The following HK1 variants were observed in gnomAD, a reference collection of about 807,000 sequenced individuals.
HK1 encodes the protein hexokinase 1.
Under a neutral mutation model 91.6 loss-of-function variants are expected in HK1, and 28 were observed. That is an observed-to-expected ratio of 0.31 (90% confidence interval 0.23 to 0.42). HK1 has a LOEUF of 0.42. Ranked by LOEUF, HK1 falls within the 10% of genes least tolerant of loss-of-function variation. The probability of loss-of-function intolerance (pLI) is 1.00; values close to 1 mark genes in which losing one functional copy is unlikely to be tolerated. For missense variants in HK1, 770 were observed against 1,219.8 expected (o/e 0.63, Z 5.49); for synonymous variants, 430 against 468.1 (o/e 0.92, Z 1.05).
intron 8 of HK1, among the ~76,000 whole-genome samples, chr10:69,377,954 C>T (rs1483342678): frequency 5.3e-5 from 8 of 152,202 alleles, no homozygotes; most frequent in Non-Finnish European, 1.0e-4. Context: ...ACAAGAAACC[C>T]GGGATTCTCT....
chr10:69,293,237 C>T (rs961987002), intron 3 of HK1, among the ~76,000 whole-genome samples: 1 of 152,190 alleles, frequency 6.6e-6, no homozygotes, highest in African/African-American at 2.4e-5. Flanking sequence ...CAGCTCAGTT[C>T]CCAGCCTCAG....
At chr10:69,362,252 T>A (rs10998743) in intron 3 of HK1, among the ~76,000 whole-genome samples, 10,730 of 151,448 alleles carry the variant, frequency 0.071, 627 homozygotes, top group South Asian at 0.2. Flanking sequence ...ATTAAAAAAA[T>A]TTTTTTTTAA....
intron 13 of HK1, among the ~76,000 whole-genome samples, chr10:69,387,675 C>T (rs1315050612): frequency 6.6e-6 from 1 of 152,130 alleles, no homozygotes; most frequent in African/African-American, 2.4e-5. Context: ...TGGGCCACCA[C>T]ACCAAGCCAC....
chr10:69,320,206 T>A (rs1846927580), intron 1 of HK1, among the ~76,000 whole-genome samples: 1 of 152,036 alleles, frequency 6.6e-6, no homozygotes, highest in African/African-American at 2.4e-5. Flanking sequence ...GTCAGGGGGA[T>A]CCAGGTCTCC....
chr10:69,297,024 G>A lies in HK1; in HGVS notation c.-67+1344G>A, dbSNP rs936877942. ...TACAGTTGACCCTGAAGCAATGAGG[G>A]GGTTATGGACACTGACCACCCCCAC... On this transcript the variant is annotated intron_variant, in intron 4 of 21. Transcript: ENST00000360289. Among the ~76,000 whole-genome samples, 15 of 152,160 alleles carry A rather than the reference G, an allele frequency of 9.9e-5. No homozygotes were observed. In the East Asian group the frequency reaches 1.2e-3, roughly 12 times the overall value.
intron 1 of HK1, among the ~76,000 whole-genome samples, chr10:69,330,872 CTTTTCTTT>C (rs1374271221): frequency 2.6e-5 from 4 of 151,482 alleles, no homozygotes; most frequent in Non-Finnish European, 4.4e-5. Flanking sequence ...TTACCTGTTT[CTTTTCTTT>C]TTTTCTTTTT....
At chr10:69,271,771 C>A (rs892796687) in intron 1 of HK1, among the ~76,000 whole-genome samples, 18 of 152,146 alleles carry the variant, frequency 1.2e-4, no homozygotes, top group African/African-American at 4.3e-4. Flanking sequence ...GCCACTGCAC[C>A]CGGCCTGACA....
At chr10:69,319,055 C>G in intron 1 of HK1, 45 bp downstream of exon 1, 1 of 1,566,196 alleles carries the variant, frequency 6.4e-7, no homozygotes. Context: ...CGCAGCCTTG[C>G]GTTCCGGCAT....
chr10:69,370,250 C>T (rs923098489), intron 7 of HK1, among the ~76,000 whole-genome samples: 3 of 151,896 alleles, frequency 2.0e-5, no homozygotes, highest in East Asian at 1.9e-4. Flanking sequence ...ATGGGGAATG[C>T]GGCCAGAGTT....
intron 5 of HK1, among the ~76,000 whole-genome samples, chr10:69,304,895 G>A (rs1168213102): frequency 6.6e-6 from 1 of 152,144 alleles, no homozygotes; most frequent in African/African-American, 2.4e-5. Context: ...CTTCTGAGAG[G>A]CCTGGAGGCT....
intron 2 of HK1, 85 bp downstream of exon 2, chr10:69,344,074 CTCAT>C (rs1179941641): frequency 1.7e-5 from 23 of 1,365,572 alleles, no homozygotes; most frequent in East Asian, 6.9e-5. Context: ...CATACATTTG[CTCAT>C]TCATTCATTC....
intron 5 of HK1, among the ~76,000 whole-genome samples, chr10:69,302,436 G>T (rs1490014436): frequency 6.8e-6 from 1 of 146,680 alleles, no homozygotes; most frequent in Non-Finnish European, 1.5e-5. Flanking sequence ...GTGCAGTGGT[G>T]CGATCTCAGC....
At chr10:69,319,071 CG>C in intron 1 of HK1, 61 bp downstream of exon 1, 1 of 1,539,158 alleles carries the variant, frequency 6.5e-7, no homozygotes, top group Non-Finnish European at 8.8e-7. Flanking sequence ...GGCATCCGCT[CG>C]CCGCCTCCGC....
At chr10:69,323,088 A>G (rs1338662523) in intron 1 of HK1, among the ~76,000 whole-genome samples, 1 of 151,902 alleles carries the variant, frequency 6.6e-6, no homozygotes, top group African/African-American at 2.4e-5. Context: ...TCTACTAAAA[A>G]TACAAAAATT....
At chr10:69,364,405 G>T (rs11599680) in intron 3 of HK1, among the ~76,000 whole-genome samples, 15,988 of 152,132 alleles carry the variant, frequency 0.11, 1,402 homozygotes, top group African/African-American at 0.23. Context: ...GGGGCGGGAA[G>T]GCCACTCCAC....
intron 2 of HK1, among the ~76,000 whole-genome samples, chr10:69,358,601 C>T (rs117429362): frequency 0.014 from 2,084 of 152,292 alleles, 30 homozygotes; most frequent in Middle Eastern, 0.051. Flanking sequence ...GTGACTCACG[C>T]CTGTAATCCC....
chr10:69,281,631 A>T (rs896041018), intron 1 of HK1, among the ~76,000 whole-genome samples: 2 of 152,172 alleles, frequency 1.3e-5, no homozygotes, highest in African/African-American at 4.8e-5. Flanking sequence ...TGCAACTGTG[A>T]TTTGTGTGAT....
chr10:69,356,662 A>G (rs1314930159), intron 2 of HK1, among the ~76,000 whole-genome samples: 3 of 152,134 alleles, frequency 2.0e-5, no homozygotes, highest in Non-Finnish European at 2.9e-5. Context: ...ACGCAGGCGG[A>G]TCACAAGGTC....
intron 1 of HK1, among the ~76,000 whole-genome samples, chr10:69,334,630 C>T (rs1033781466): frequency 4.6e-5 from 7 of 152,270 alleles, no homozygotes; most frequent in East Asian, 3.9e-4. Flanking sequence ...GGAGGCCTCC[C>T]GCCCAGCACA....
Sources: gnomAD v4.1 joint callset for allele counts (sites outside exome capture counted in the v4.1 genomes callset) on GRCh38, gnomAD v4.1.1 for gene constraint, MANE v1.5 for transcripts, NCBI Gene and HGNC (gene_info 2026-07-23, HGNC 2026-07-21) for gene names.